Variants in CD81 observed in about 807,000 individuals in gnomAD.
CD81 encodes CD81 antigen.
A neutral mutation model predicts 30.1 loss-of-function variants in CD81; 10 were observed. That is an observed-to-expected ratio of 0.33 (90% CI 0.21 to 0.56). CD81 has a LOEUF of 0.56. Among genes scored for constraint, CD81 ranks in the 20% least tolerant of loss-of-function variants. The pLI, the probability that CD81 is intolerant of heterozygous loss-of-function variation, is 0.89. For synonymous variants in CD81, 147 were observed against 126.4 expected, an observed-to-expected ratio of 1.16 and a Z score of -1.10; for missense variants, 263 against 308.7, an observed-to-expected ratio of 0.85 and a Z score of 1.11.
At chr11:2,389,233 A>G (rs1263066942) in intron 1 of CD81, among the ~76,000 whole-genome samples, 1 of 152,174 alleles carries the variant, frequency 6.6e-6, no homozygotes, top group Non-Finnish European at 1.5e-5. Flanking sequence ...AGCCTCTGCA[A>G]GAGGCCGAGG....
chr11:2,396,523 A>T (rs950466642), intron 6 of CD81, 105 bp from the exon 7 acceptor site: 2 of 1,012,668 alleles, frequency 2.0e-6, no homozygotes, highest in African/African-American at 3.2e-5. Context: ...TGTTCCCAGG[A>T]TTCCCCTCTA....
intron 5 of CD81, 64 bp downstream of exon 5, chr11:2,395,584 C>A: frequency 1.6e-6 from 2 of 1,281,748 alleles, no homozygotes; most frequent in Non-Finnish European, 2.3e-6. Flanking sequence ...TGTGTCTCGT[C>A]CTGGATGAAT....
intron 1 of CD81, among the ~76,000 whole-genome samples, chr11:2,380,435 A>ACACTCCCACCTTCACG (rs2133441223): frequency 1.3e-5 from 2 of 152,008 alleles, no homozygotes; most frequent in East Asian, 3.9e-4. Flanking sequence ...GTGCACACAC[A>ACACTCCCACCTTCACG]CACACTCCCA....
chr11:2,386,257 T>C (rs1460795025), intron 1 of CD81: 10 of 683,912 alleles, frequency 1.5e-5, no homozygotes, highest in Non-Finnish European at 2.7e-5. Context: ...GTTGCCAGTT[T>C]TCTTGCTGTT....
chr11:2,385,677 C>T lies in CD81; in HGVS notation c.67-4735C>T, dbSNP rs74048498. On this transcript the variant is annotated intron_variant, in intron 1 of 7. Coordinates refer to ENST00000263645, the MANE Select transcript of CD81 (RefSeq NM_004356.4). ...GTGGTGTGCCCGTCGTCTGTGCACCCGTGCCGTGGCGTGCCCGTCGTCTGT... is the reference window on the plus strand; with the variant it reads ...GTGGTGTGCCCGTCGTCTGTGCACCTGTGCCGTGGCGTGCCCGTCGTCTGT... 166 of 101,814 alleles carry T rather than the reference C, an allele frequency of 1.6e-3. 22 individuals are homozygous for T. The highest frequency in any genetic ancestry group is 0.015 in the African/African-American group (152 of 10,250). 6.3% of individuals were successfully genotyped at this position (101,814 alleles called of 1,614,324 possible).
intron 1 of CD81, among the ~76,000 whole-genome samples, chr11:2,381,551 G>A (rs562202968): frequency 9.2e-5 from 14 of 152,332 alleles, no homozygotes; most frequent in Middle Eastern, 6.8e-3. Flanking sequence ...ACCTGAAATC[G>A]CACCACGGGA....
intron 1 of CD81, chr11:2,379,022 G>T (rs1418711880): frequency 2.5e-6 from 1 of 398,262 alleles, no homozygotes; most frequent in African/African-American, 2.0e-5. Context: ...GAGTCACTGT[G>T]GCCTTCGGCA....
At chr11:2,379,445 GT>G (rs1849666179) in intron 1 of CD81, among the ~76,000 whole-genome samples, 1 of 146,776 alleles carries the variant, frequency 6.8e-6, no homozygotes, top group African/African-American at 2.5e-5. Flanking sequence ...GGACCTGGGG[GT>G]GGGGGTTGAG....
At chr11:2,380,029 A>G (rs573710048) in intron 1 of CD81, among the ~76,000 whole-genome samples, 1 of 152,252 alleles carries the variant, frequency 6.6e-6, no homozygotes, top group African/African-American at 2.4e-5. Context: ...GTGGGGGCCC[A>G]CAGTGAGCCT....
intron 1 of CD81, among the ~76,000 whole-genome samples, chr11:2,382,089 C>T (rs1849713860): frequency 6.6e-6 from 1 of 151,586 alleles, no homozygotes; most frequent in Non-Finnish European, 1.5e-5. Context: ...TCCCCTCAGG[C>T]AGGGGGCCAC....
At chr11:2,390,907 A>C (rs889523061) in intron 2 of CD81, among the ~76,000 whole-genome samples, 2 of 150,896 alleles carry the variant, frequency 1.3e-5, no homozygotes, top group Non-Finnish European at 3.0e-5. Flanking sequence ...GATGGAGCTC[A>C]AGGGATGGAA....
intron 1 of CD81, among the ~76,000 whole-genome samples, chr11:2,382,252 G>A (rs1007372324): frequency 6.6e-6 from 1 of 152,232 alleles, no homozygotes; most frequent in Non-Finnish European, 1.5e-5. Context: ...TGAGGGCTGC[G>A]GGCTCAAGGA....
At chr11:2,395,765 A>G (rs779210127) in intron 5 of CD81, 104 bp from the exon 6 acceptor site, 1 of 833,816 alleles carries the variant, frequency 1.2e-6, no homozygotes, top group Non-Finnish European at 2.0e-6. Flanking sequence ...TGCATTCTGC[A>G]GTGGGGAGCG....
intron 2 of CD81, chr11:2,393,746 C>T (rs1268519746): frequency 8.3e-6 from 5 of 601,244 alleles, no homozygotes; most frequent in South Asian, 5.9e-5. Context: ...CGGTGGGTGG[C>T]GGGTGGCAGG....
chr11:2,382,712 C>T (rs1247587488), intron 1 of CD81, among the ~76,000 whole-genome samples: 2 of 152,220 alleles, frequency 1.3e-5, no homozygotes, highest in East Asian at 1.9e-4. Flanking sequence ...GCATGATATC[C>T]GCTGCGGTGC....
intron 3 of CD81, among the ~76,000 whole-genome samples, chr11:2,394,428 C>T (rs1589853244): frequency 6.6e-6 from 1 of 152,254 alleles, no homozygotes; most frequent in Non-Finnish European, 1.5e-5. Context: ...ACAAATATAA[C>T]AGGGAGCAAG....
In CD81 at chr11:2,395,668, C is replaced by T. The variant is rs76296735; in HGVS notation, c.459+148C>T. 18,743 of 766,316 alleles carry T rather than the reference C, an allele frequency of 0.024. 324 individuals are homozygous for T. The highest frequency in any genetic ancestry group is 0.057 in the African/African-American group (3,328 of 58,086). The allele number at this position is 766,316 out of a possible 1,614,324, so 47.5% of individuals were successfully genotyped here. A position where few individuals can be genotyped will look rare whatever the true frequency, so the allele number is the denominator to read the frequency against. ...AGGACCCCTGGTCTCAACTGGTCCT[C>T]GGGTGGGAACCTAGTGGGCCAGGGT... On this transcript the variant is annotated intron_variant, in intron 5 of 7. Coordinates refer to ENST00000263645, the MANE Select transcript of CD81 (RefSeq NM_004356.4).
intron 1 of CD81, chr11:2,390,071 C>G (rs1849870196): frequency 2.3e-6 from 1 of 429,440 alleles, no homozygotes; most frequent in African/African-American, 2.0e-5. Flanking sequence ...ATGTCCCGTG[C>G]AATATTTGGG....
At chr11:2,386,316 C>A in intron 1 of CD81, 1 of 630,650 alleles carries the variant, frequency 1.6e-6, no homozygotes. Context: ...CTTTACCAGG[C>A]TCTGCCCCAG....
Sources: allele counts gnomAD v4.1 joint callset (sites outside exome capture counted in the v4.1 genomes callset), GRCh38; gene constraint gnomAD v4.1.1; transcripts MANE v1.5; gene names NCBI Gene and HGNC (gene_info 2026-07-23, HGNC 2026-07-21).